Variants in ACO1 observed in about 807,000 individuals in gnomAD.
ACO1 encodes the protein cytoplasmic aconitate hydratase.
A neutral mutation model predicts 105.1 loss-of-function variants in ACO1; 78 were observed. The ratio of observed to expected loss-of-function variants is 0.74; its 90% CI spans 0.62 to 0.90. The LOEUF is 0.90. ACO1 is among the 40% of genes least tolerant of loss of function. The pLI, the probability that ACO1 is intolerant of heterozygous loss-of-function variation, is 0.00. For synonymous variants in ACO1, 364 were observed against 397.4 expected, an observed-to-expected ratio of 0.92 and a Z score of 1.00; for missense variants, 965 against 1,111.1, an observed-to-expected ratio of 0.87 and a Z score of 1.87.
chr9:32,394,042 C>G (rs1463269553), intron 1 of ACO1, among the ~76,000 whole-genome samples: 1 of 152,196 alleles, frequency 6.6e-6, no homozygotes. Context: ...TTGCAGCAAC[C>G]TGGACCTTGC....
At chr9:32,418,992 G>C (rs1251908301) in intron 6 of ACO1, 46 bp from the exon 7 acceptor site, 1 of 1,517,316 alleles carries the variant, frequency 6.6e-7, no homozygotes, top group East Asian at 2.4e-5. Flanking sequence ...GAGAGATAGA[G>C]TAAGGGGTAA....
At chr9:32,408,311 C>G (rs1207500992) in intron 3 of ACO1, among the ~76,000 whole-genome samples, 1 of 152,110 alleles carries the variant, frequency 6.6e-6, no homozygotes, top group Non-Finnish European at 1.5e-5. Flanking sequence ...ATAGAGATAC[C>G]ACCCAGTCAT....
rs1358762460 is a variant in ACO1 at position 32,418,524 on chromosome 9, C to T, written c.658+13C>T. On this transcript the variant is annotated intron_variant, in intron 6 of 20. Transcript: ENST00000309951. ...ATTCTTGGTTGGGGTGAGTGTTCTT[C>T]CATATATGCTGTTTTGGGGCATGCA... 1.9e-6 allele frequency: 3 copies of T among 1,605,404 alleles called. No homozygotes were observed. Among genetic ancestry groups the T allele is most frequent in the African/African-American group, 2.7e-5 (2 of 74,768 alleles).
chr9:32,440,501 G>C lies in ACO1; in HGVS notation c.2284G>C (p.Ala762Pro). Residue 762 changes from alanine to proline, a missense_variant, in exon 19 of 21, where the codon GCA becomes CCA. Coordinates refer to ENST00000309951, the MANE Select transcript of ACO1 (RefSeq NM_002197.3). ...TGATGCTGCTGAGCGGTACCAGCAG[G>C]CAGGCCTTCCCCTGATCGTTCTGGC... The part of the protein sequence containing the change: ...VFDAAERYQQ[A>P]GLPLIVLAGK... 3 of 1,613,918 alleles carry C rather than the reference G, an allele frequency of 1.9e-6. No homozygotes were observed. The highest frequency in any genetic ancestry group is 2.5e-6 in the Non-Finnish European group (3 of 1,179,908).
intron 10 of ACO1, 69 bp downstream of exon 10, chr9:32,424,734 C>T (rs1364401798): frequency 1.5e-5 from 16 of 1,035,408 alleles, no homozygotes; most frequent in Non-Finnish European, 2.2e-5. Flanking sequence ...AGCGTCCAGG[C>T]TTTCATCCCA....
At chr9:32,428,514 A>C (rs556240632) in intron 12 of ACO1, among the ~76,000 whole-genome samples, 53 of 151,880 alleles carry the variant, frequency 3.5e-4, no homozygotes, top group African/African-American at 1.2e-3. Context: ...TTTTTTAATA[A>C]ACAAAAAGAG....
chr9:32,447,631 TGGA>T (rs1187925090), intron 19 of ACO1, among the ~76,000 whole-genome samples: 6 of 152,344 alleles, frequency 3.9e-5, no homozygotes, highest in Non-Finnish European at 5.9e-5. Context: ...TGTGATCCTT[TGGA>T]GGAGAAGAGC....
rs1587546140 is a variant in ACO1, at chr9:32,431,863, T to C, written c.1851+20T>C. The C allele has an allele frequency of 6.2e-7, 1 of 1,613,170 alleles. No homozygotes were observed. Among genetic ancestry groups the C allele is most frequent in the African/African-American group, 1.3e-5 (1 of 74,952 alleles). On this transcript the variant is annotated intron_variant, in intron 15 of 20. Transcript: ENST00000309951. Reference sequence around the variant, plus strand: ...ATAGAGGTGAGGTCCCACACTGCCCTCCCCGCCCCAGAGGATCTAAGGGAA... The same window carrying C: ...ATAGAGGTGAGGTCCCACACTGCCCCCCCCGCCCCAGAGGATCTAAGGGAA...
At chr9:32,389,543 C>T (rs1821221997) in intron 1 of ACO1, among the ~76,000 whole-genome samples, 1 of 152,138 alleles carries the variant, frequency 6.6e-6, no homozygotes, top group Non-Finnish European at 1.5e-5. Context: ...GGCACACTTA[C>T]CATGTAGTCA....
chr9:32,400,057 G>A (rs1016918253), intron 1 of ACO1, among the ~76,000 whole-genome samples: 7 of 123,710 alleles, frequency 5.7e-5, no homozygotes, highest in Non-Finnish European at 1.1e-4. Flanking sequence ...TGCACCCTCC[G>A]CCTGCTGGGT....
At chr9:32,418,941 A>C in intron 6 of ACO1, 97 bp from the exon 7 acceptor site, 1 of 1,363,224 alleles carries the variant, frequency 7.3e-7, no homozygotes, top group Non-Finnish European at 9.7e-7. Flanking sequence ...TAAACGTTGT[A>C]ACTGGGTTTA....
intron 14 of ACO1, 59 bp downstream of exon 14, chr9:32,430,633 A>G (rs1822206984): frequency 6.6e-7 from 1 of 1,521,048 alleles, no homozygotes; most frequent in Non-Finnish European, 8.9e-7. Flanking sequence ...ATATTACTAG[A>G]AGAAACTGCT....
intron 1 of ACO1, among the ~76,000 whole-genome samples, chr9:32,396,690 A>T (rs1821379657): frequency 6.6e-6 from 1 of 152,048 alleles, no homozygotes; most frequent in Admixed American, 6.6e-5. Context: ...TCACCATCTG[A>T]TACTCTGTTT....
At chr9:32,435,800 C>A (rs951356137) in intron 17 of ACO1, among the ~76,000 whole-genome samples, 1 of 152,172 alleles carries the variant, frequency 6.6e-6, no homozygotes, top group Admixed American at 6.5e-5. Flanking sequence ...AAATTTGAAA[C>A]TATTTCTGGT....
intron 12 of ACO1, among the ~76,000 whole-genome samples, chr9:32,428,701 G>A (rs1039533533): frequency 1.3e-5 from 2 of 152,092 alleles, no homozygotes; most frequent in African/African-American, 2.4e-5. Context: ...AAAATTAGCC[G>A]GGCGTGGTGG....
intron 19 of ACO1, among the ~76,000 whole-genome samples, chr9:32,447,380 T>C (rs1408887872): frequency 1.3e-5 from 2 of 152,226 alleles, no homozygotes; most frequent in African/African-American, 4.8e-5. Context: ...TTGTATATAC[T>C]CACGAAGTTC....
intron 1 of ACO1, among the ~76,000 whole-genome samples, chr9:32,390,738 A>G (rs895909378): frequency 6.6e-6 from 1 of 152,220 alleles, no homozygotes; most frequent in Non-Finnish European, 1.5e-5. Context: ...TTAAAGAATC[A>G]TGGTGAAAAG....
intron 20 of ACO1, among the ~76,000 whole-genome samples, chr9:32,449,395 C>T (rs1822704328): frequency 2.0e-5 from 3 of 152,144 alleles, no homozygotes; most frequent in South Asian, 4.1e-4. Flanking sequence ...TTACCTAAAA[C>T]ATTTCACTAT....
At chr9:32,388,993 AAGAG>A (rs1185074531) in intron 1 of ACO1, among the ~76,000 whole-genome samples, 1 of 152,260 alleles carries the variant, frequency 6.6e-6, no homozygotes, top group East Asian at 1.9e-4. Context: ...GTATAAAAAT[AAGAG>A]AGAGACTCTC....
Sources: allele counts gnomAD v4.1 joint callset (sites outside exome capture counted in the v4.1 genomes callset), GRCh38; gene constraint gnomAD v4.1.1; transcripts MANE v1.5; gene names NCBI Gene and HGNC (gene_info 2026-07-23, HGNC 2026-07-21).